Variants in CDIN1 observed in about 807,000 individuals in gnomAD.
CDIN1 encodes CDAN1 interacting nuclease 1.
Under a neutral mutation model 45.3 loss-of-function variants are expected in CDIN1, and 33 were observed. The ratio of observed to expected loss-of-function variants is 0.73; its 90% CI spans 0.55 to 0.97. The LOEUF (loss-of-function observed/expected upper bound fraction) is 0.97. Among genes scored for constraint, CDIN1 ranks in the 50% least tolerant of loss-of-function variants. The pLI, the probability that CDIN1 is intolerant of heterozygous loss-of-function variation, is 0.00. For synonymous variants in CDIN1, 118 were observed against 124.4 expected (o/e 0.95, Z 0.34); for missense variants, 303 against 339.4 (o/e 0.89, Z 0.84).
chr15:36,621,500 A>G (rs774275978), intron 1 of CDIN1, among the ~76,000 whole-genome samples: 3 of 152,158 alleles, frequency 2.0e-5, no homozygotes, highest in Non-Finnish European at 4.4e-5. Context: ...TCTATACACT[A>G]TTTTTTAAAA....
chr15:36,599,813 G>A (rs2038013067), intron 1 of CDIN1, among the ~76,000 whole-genome samples: 1 of 152,156 alleles, frequency 6.6e-6, no homozygotes, highest in Non-Finnish European at 1.5e-5. Context: ...CAGATGTTGG[G>A]GAGTCATCTG....
chr15:36,807,105 A>C (rs959977164), intron 10 of CDIN1, among the ~76,000 whole-genome samples: 1 of 152,194 alleles, frequency 6.6e-6, no homozygotes, highest in Non-Finnish European at 1.5e-5. Context: ...ATAATCTTGA[A>C]TACAACTTGG....
intron 8 of CDIN1, among the ~76,000 whole-genome samples, chr15:36,699,014 A>G (rs1244037677): frequency 1.3e-5 from 2 of 152,220 alleles, no homozygotes; most frequent in African/African-American, 4.8e-5. Flanking sequence ...CAGAAAGGGA[A>G]CTTGAAATTG....
intron 10 of CDIN1, among the ~76,000 whole-genome samples, chr15:36,727,706 G>A (rs1012839584): frequency 2.0e-5 from 3 of 152,050 alleles, no homozygotes; most frequent in African/African-American, 7.2e-5. Context: ...TTTCATAAAA[G>A]GGCCAAAAGG....
chr15:36,672,171 AAC>A (rs1486127431), intron 5 of CDIN1, among the ~76,000 whole-genome samples: 2 of 152,022 alleles, frequency 1.3e-5, no homozygotes, highest in African/African-American at 2.4e-5. Flanking sequence ...ATAGGGAGAA[AAC>A]AGTTTTTTGT....
intron 10 of CDIN1, among the ~76,000 whole-genome samples, chr15:36,792,084 A>G (rs899268952): frequency 1.3e-5 from 2 of 152,188 alleles, no homozygotes; most frequent in Non-Finnish European, 2.9e-5. Flanking sequence ...TGCAGCCAGG[A>G]ACGCCTCTAA....
At chr15:36,647,340 T>C (rs1341252205) in intron 3 of CDIN1, among the ~76,000 whole-genome samples, 2 of 152,046 alleles carry the variant, frequency 1.3e-5, no homozygotes, top group Admixed American at 1.3e-4. Context: ...ATAAATACCT[T>C]TAAGTATACC....
Position 36,657,852 on chromosome 15 carries a change from T to C in CDIN1, c.293T>C (p.Leu98Ser), listed in dbSNP as rs1595432930. 6.2e-7 allele frequency: 1 copy of C among 1,612,268 alleles called. No homozygotes were observed. Among genetic ancestry groups the C allele is most frequent in the South Asian group, 1.1e-5 (1 of 90,616 alleles). ...LANEVDYAPSLMARLILERFL... is the reference protein window; with the variant it reads ...LANEVDYAPSSMARLILERFL... ...ATAAAGGTGGACTATGCGCCCTCAT[T>C]AATGGCTCGGCTTATACTGGAGAGG... The change falls in exon 5 of 11, where the codon TTA becomes TCA. Residue 98 changes from leucine (L) to serine (S), a missense_variant. Physicochemically the swap from Leu to Ser is moderately radical, Grantham distance 145 (BLOSUM62 -2). Coordinates refer to ENST00000566621, the MANE Select transcript of CDIN1 (RefSeq NM_001321759.2).
chr15:36,805,598 C>T (rs920297795), intron 10 of CDIN1, among the ~76,000 whole-genome samples: 1 of 152,172 alleles, frequency 6.6e-6, no homozygotes, highest in African/African-American at 2.4e-5. Context: ...ACCTCTTCTA[C>T]CATTTTTGAT....
intron 5 of CDIN1, among the ~76,000 whole-genome samples, chr15:36,686,098 G>C (rs1199537482): frequency 2.0e-5 from 3 of 151,992 alleles, no homozygotes; most frequent in Non-Finnish European, 4.4e-5. Context: ...CTGCTATAAA[G>C]ACACATGCAC....
intron 1 of CDIN1, among the ~76,000 whole-genome samples, chr15:36,625,477 T>A (rs2039384706): frequency 6.6e-6 from 1 of 152,228 alleles, no homozygotes; most frequent in South Asian, 2.1e-4. Flanking sequence ...TGAAGAATTC[T>A]CTGATAAGAG....
At chr15:36,784,164 A>G (rs2054428071) in intron 10 of CDIN1, among the ~76,000 whole-genome samples, 1 of 152,200 alleles carries the variant, frequency 6.6e-6, no homozygotes, top group African/African-American at 2.4e-5. Flanking sequence ...AATTGTCTCA[A>G]TCCTATGATT....
At chr15:36,801,785 A>G (rs1391527149) in intron 10 of CDIN1, among the ~76,000 whole-genome samples, 2 of 152,204 alleles carry the variant, frequency 1.3e-5, no homozygotes, top group Admixed American at 1.3e-4. Flanking sequence ...GGTTTAAAAT[A>G]TGCTCCCTCA....
chr15:36,800,879 ATGTGTGTG>A lies in CDIN1; in HGVS notation c.717-7421_717-7414del, dbSNP rs1163549097. Among the ~76,000 whole-genome samples, 13 of 82,518 alleles carry A rather than the reference ATGTGTGTG, an allele frequency of 1.6e-4. 1 individual carries two copies. Among genetic ancestry groups the A allele is most frequent in the East Asian group, 4.3e-4 (1 of 2,312 alleles). The allele number at this position is 82,518 out of a possible 152,430, so 54.1% of individuals were successfully genotyped here. On this transcript the variant is annotated intron_variant, in intron 10 of 10. Coordinates refer to ENST00000566621, the MANE Select transcript of CDIN1 (RefSeq NM_001321759.2). ...TACATATGTGTGTGTGTGTGTATAT[ATGTGTGTG>A]TGTGTGTGTGTGTGTGTGTGTGTAT... is the stretch of plus-strand genomic sequence containing the variant.
intron 10 of CDIN1, among the ~76,000 whole-genome samples, chr15:36,754,851 C>T (rs970743390): frequency 1.1e-4 from 17 of 152,144 alleles, no homozygotes; most frequent in African/African-American, 2.2e-4. Flanking sequence ...ATTAATTAAG[C>T]GTAAAGTTAC....
At chr15:36,784,139 A>C (rs73385354) in intron 10 of CDIN1, among the ~76,000 whole-genome samples, 27,208 of 152,166 alleles carry the variant, frequency 0.18, 4,531 homozygotes, top group African/African-American at 0.44. Flanking sequence ...TTTAAGGTAA[A>C]TTTTTATTCC....
intron 5 of CDIN1, among the ~76,000 whole-genome samples, chr15:36,661,035 C>A (rs2040991459): frequency 6.6e-6 from 1 of 152,122 alleles, no homozygotes; most frequent in Admixed American, 6.6e-5. Context: ...CTCGGAATCA[C>A]CCAGGGAGGT....
At chr15:36,640,545 A>G in intron 1 of CDIN1, 1 of 769,926 alleles carries the variant, frequency 1.3e-6, no homozygotes, top group Non-Finnish European at 1.6e-6. Context: ...TAAGCTTCCT[A>G]GATTCTATAG....
intron 1 of CDIN1, among the ~76,000 whole-genome samples, chr15:36,585,652 C>T (rs1274685653): frequency 1.3e-5 from 2 of 151,954 alleles, no homozygotes; most frequent in Non-Finnish European, 2.9e-5. Context: ...TGGTGTCTGC[C>T]TTGGTTTGTG....
Sources: gnomAD v4.1 joint callset for allele counts (sites outside exome capture counted in the v4.1 genomes callset) on GRCh38, gnomAD v4.1.1 for gene constraint, MANE v1.5 for transcripts, NCBI Gene and HGNC (gene_info 2026-07-23, HGNC 2026-07-21) for gene names.